SYNE2: variants seen among roughly 807,000 people sequenced by gnomAD.
SYNE2 encodes the protein spectrin repeat containing nuclear envelope protein 2, also known as nesprin-2.
SYNE2 carries 431 observed loss-of-function variants against 856.3 expected under a neutral mutation model. That is an observed-to-expected ratio of 0.50 (90% confidence interval 0.47 to 0.55). The LOEUF (loss-of-function observed/expected upper bound fraction) is 0.55. Among genes scored for constraint, SYNE2 ranks in the 20% least tolerant of loss-of-function variants. SYNE2 has a pLI of 0.00. For missense variants in SYNE2, 8,129 were observed against 8,023.2 expected (o/e 1.01, Z -0.50); for synonymous variants, 2,923 against 2,872.3 (o/e 1.02, Z -0.56).
chr14:64,091,927 T>C (rs1487358727), intron 60 of SYNE2, among the ~76,000 whole-genome samples: 1 of 152,126 alleles, frequency 6.6e-6, no homozygotes, highest in Non-Finnish European at 1.5e-5. Flanking sequence ...CCCTCTTAAA[T>C]TTCATGCACA....
intron 45 of SYNE2, among the ~76,000 whole-genome samples, chr14:64,042,018 C>G (rs1340794489): frequency 6.6e-6 from 1 of 152,060 alleles, no homozygotes; most frequent in African/African-American, 2.4e-5. Flanking sequence ...TTAAGGAACT[C>G]CACACATGCA....
intron 69 of SYNE2, 55 bp from the exon 70 acceptor site, chr14:64,122,231 A>C: frequency 6.2e-7 from 1 of 1,614,088 alleles, no homozygotes; most frequent in Non-Finnish European, 8.5e-7. Context: ...CTGTGAATGT[A>C]ATACAAAATG....
At chr14:64,050,738 G>A (rs2097219352) in intron 47 of SYNE2, among the ~76,000 whole-genome samples, 1 of 152,038 alleles carries the variant, frequency 6.6e-6, no homozygotes, top group Non-Finnish European at 1.5e-5. Flanking sequence ...TTTATTTTAG[G>A]CCAGACGTGG....
In SYNE2 at chr14:64,048,153, G is replaced by A; in HGVS notation, c.7375G>A (p.Glu2459Lys). Residue 2459 changes from glutamate (E) to lysine (K), a missense_variant and splice_region_variant, in exon 46 of 116, where the codon GAG (glutamate) becomes AAG (lysine). Transcript: ENST00000555002. ...MLRNEQLEEIEKLYTQLEAKK... is the reference protein window; with the variant it reads ...MLRNEQLEEIKKLYTQLEAKK... ...AAGAAATGAACAATTAGAAGAGATA[G>A]AGGTATGGAAACATAAAAACACTGA... The A allele has an allele frequency of 1.2e-6, 2 of 1,612,742 alleles. No homozygotes were observed. Among genetic ancestry groups the A allele is most frequent in the Non-Finnish European group, 1.7e-6 (2 of 1,179,274 alleles).
chr14:63,945,633 GT>G (rs1311249578), intron 6 of SYNE2, among the ~76,000 whole-genome samples: 1 of 151,812 alleles, frequency 6.6e-6, no homozygotes, highest in Non-Finnish European at 1.5e-5. Context: ...GTTCTGTTTT[GT>G]TTTTTTGAGA....
chr14:63,986,726 C>A, intron 19 of SYNE2, 109 bp downstream of exon 19: 1 of 1,234,530 alleles, frequency 8.1e-7, no homozygotes. Context: ...TTTTAATTTT[C>A]TTTGTTGGGA....
intron 8 of SYNE2, chr14:63,960,838 A>G: frequency 1.3e-6 from 1 of 750,248 alleles, no homozygotes; most frequent in Non-Finnish European, 2.4e-6. Flanking sequence ...TGAGGCCAGG[A>G]GTTTGAGACC....
At chr14:63,894,465 T>A (rs2095211089) in intron 1 of SYNE2, among the ~76,000 whole-genome samples, 1 of 152,190 alleles carries the variant, frequency 6.6e-6, no homozygotes, top group East Asian at 1.9e-4. Flanking sequence ...CAGGGGATCC[T>A]CCTGCCGTGG....
chr14:64,225,841 C>T lies in SYNE2; in HGVS notation c.*315C>T, dbSNP rs183982306. The T allele has an allele frequency of 4.3e-4, 254 of 584,420 alleles. No individual in the cohort carries two copies. The highest frequency in any genetic ancestry group is 6.7e-4 in the Non-Finnish European group (221 of 327,774). The allele number at this position is 584,420 out of a possible 1,614,324, so 36.2% of individuals were successfully genotyped here. ...TGTGAATTCTGGTTTGTTTGTAAAA[C>T]AGCATTATTATAATGTAGGTATGGT... is the stretch of plus-strand genomic sequence containing the variant. On this transcript the variant is annotated 3_prime_UTR_variant, in exon 116 of 116. Coordinates refer to ENST00000555002, the MANE Select transcript of SYNE2 (RefSeq NM_182914.3).
intron 1 of SYNE2, among the ~76,000 whole-genome samples, chr14:63,812,910 A>T (rs1595134494): frequency 1.3e-5 from 2 of 152,282 alleles, no homozygotes; most frequent in East Asian, 3.9e-4. Flanking sequence ...TAAAAAAATT[A>T]AAAAAAGAAA....
At chr14:64,047,891 T>G in intron 45 of SYNE2, 109 bp from the exon 46 acceptor site, 1 of 1,204,534 alleles carries the variant, frequency 8.3e-7, no homozygotes, top group South Asian at 1.4e-5. Context: ...ACTTTTTAAG[T>G]CTATAATCCA....
In SYNE2 at chr14:64,132,269, T is replaced by A; in HGVS notation, c.14345T>A (p.Phe4782Tyr). ...LQAQIENHKV[F>Y]FQKLVADMLL... is the part of the protein sequence containing the mutation. The stretch of plus-strand genomic sequence containing the variant: ...AAAACTTTCTCCATCTCATAGGTTT[T>A]TTTCCAGAAGCTTGTTGCTGACATG... The change falls in exon 77 of 116, where the codon TTT becomes TAT. Residue 4782 changes from phenylalanine to tyrosine, a missense_variant. Physicochemically the swap from Phe to Tyr is conservative, Grantham distance 22 (BLOSUM62 3). Coordinates refer to ENST00000555002, the MANE Select transcript of SYNE2 (RefSeq NM_182914.3). 6.2e-7 allele frequency: 1 copy of A among 1,613,346 alleles called. No individual in the cohort carries two copies. Among genetic ancestry groups the A allele is most frequent in the South Asian group, 1.1e-5 (1 of 91,044 alleles).
At chr14:64,176,961 C>G (rs1275771884) in intron 95 of SYNE2, among the ~76,000 whole-genome samples, 2 of 152,050 alleles carry the variant, frequency 1.3e-5, no homozygotes, top group East Asian at 3.9e-4. Context: ...CCACACCCAG[C>G]TAATTTTTGT....
Position 64,220,443 on chromosome 14 carries a change from C to T in SYNE2, c.19867C>T (p.Leu6623=), listed in dbSNP as rs139826953. 182 of 1,614,088 alleles carry T rather than the reference C, an allele frequency of 1.1e-4. No homozygotes were observed. Among genetic ancestry groups the T allele is most frequent in the Middle Eastern group, 1.6e-4 (1 of 6,084 alleles). The change falls in exon 111 of 116, where the codon CTG becomes TTG. Residue 6623 remains leucine, a synonymous_variant. Coordinates refer to ENST00000555002, the MANE Select transcript of SYNE2 (RefSeq NM_182914.3). ...ELRVKRLQEI[L]KAFDTYKALV... is the part of the protein sequence containing the mutation. ...TCTTTTCTCTCTCTGGTAGGAGATA[C>T]TGAAAGCCTTTGACACTTACAAGGC...
Position 64,003,023 on chromosome 14 carries a change from GA to G in SYNE2, c.4091del (p.Glu1364GlyfsTer6). 2 of 1,614,152 alleles carry G rather than the reference GA, an allele frequency of 1.2e-6. No homozygotes were observed. The highest frequency in any genetic ancestry group is 8.5e-7 in the Non-Finnish European group (1 of 1,180,026). ...AAATACGTTGACAGTAAAAAATAAAGAGGGAGAAATTCATCTGATGAAAGAC... is the reference window on the plus strand; with the variant it reads ...AAATACGTTGACAGTAAAAAATAAAGGGGAGAAATTCATCTGATGAAAGAC... ...QENTLTVKNK[E>X]GEIHLMKDKA... On this transcript the variant is annotated frameshift_variant, in exon 30 of 116. Transcript: ENST00000555002. LOFTEE classifies it high-confidence loss of function.
chr14:63,804,467 G>GTTTTCTTTTC (rs544908613), intron 1 of SYNE2, among the ~76,000 whole-genome samples: 1 of 151,824 alleles, frequency 6.6e-6, no homozygotes, highest in South Asian at 2.1e-4. Flanking sequence ...TATTTCCTAG[G>GTTTTCTTTTC]TTTTCTTTTC....
In SYNE2 at chr14:64,051,888, C is replaced by A. The variant is rs771756508; in HGVS notation, c.7975C>A (p.Arg2659=). The change falls in exon 48 of 116, where the codon CGG becomes AGG. Residue 2659 remains arginine, a synonymous_variant. Transcript: ENST00000555002. ...LQLRLKSPEE[R]AGNQSMIALT... is the part of the protein sequence containing the mutation. ...GTTAAGGCTGAAGTCTCCAGAAGAA[C>A]GGGCAGGGAACCAAAGCATGATTGC... is the stretch of plus-strand genomic sequence containing the variant. The A allele has an allele frequency of 1.7e-5, 27 of 1,613,816 alleles. No homozygotes were observed. The East Asian group carries it at 5.8e-4, about 35-fold the overall frequency.
At chr14:63,900,542 AC>A (rs556107344) in intron 1 of SYNE2, among the ~76,000 whole-genome samples, 8 of 151,752 alleles carry the variant, frequency 5.3e-5, no homozygotes, top group African/African-American at 9.7e-5. Flanking sequence ...TAATTCAATC[AC>A]CCCCCACTAG....
At chr14:63,937,111 T>G (rs970855735) in intron 2 of SYNE2, among the ~76,000 whole-genome samples, 1 of 152,092 alleles carries the variant, frequency 6.6e-6, no homozygotes, top group Non-Finnish European at 1.5e-5. Context: ...CATGAGAGTG[T>G]GTCATCGAGG....
Sources: gnomAD v4.1 joint callset for allele counts (sites outside exome capture counted in the v4.1 genomes callset) on GRCh38, gnomAD v4.1.1 for gene constraint, MANE v1.5 for transcripts, NCBI Gene and HGNC (gene_info 2026-07-23, HGNC 2026-07-21) for gene names.